Variants in ZNF704 observed in about 807,000 individuals in gnomAD.
ZNF704 encodes glucocorticoid induced gene 1.
In ZNF704, 10 loss-of-function variants were observed where a neutral mutation model predicts 44.7. The ratio of observed to expected loss-of-function variants is 0.22; its 90% CI spans 0.14 to 0.38. The LOEUF (loss-of-function observed/expected upper bound fraction) is 0.38. Ranked by LOEUF, ZNF704 falls within the 10% of genes least tolerant of loss-of-function variation. The pLI, the probability that ZNF704 is intolerant of heterozygous loss-of-function variation, is 1.00. For missense variants in ZNF704, 390 were observed against 545.5 expected (o/e 0.71, Z 2.84); for synonymous variants, 211 against 207.6 (o/e 1.02, Z -0.14).
Position 80,821,389 on chromosome 8 carries a change from T to C in ZNF704, c.206A>G (p.Asp69Gly). 1.2e-6 allele frequency: 2 copies of C among 1,613,590 alleles called. No individual in the cohort carries two copies. The highest frequency in any genetic ancestry group is 1.7e-6 in the Non-Finnish European group (2 of 1,179,898). Residue 69 changes from aspartate to glycine, a missense_variant, in exon 2 of 9, where the codon GAT becomes GGT. Asp to Gly is a moderately conservative substitution (Grantham distance 94, BLOSUM62 -1). This residue lies in a region of ZNF704 where 80 missense variants were observed against 83.7 expected (regional missense o/e 0.96). Coordinates refer to ENST00000327835, the MANE Select transcript of ZNF704 (RefSeq NM_001033723.3). ...GTTCCCTTACCTTGCTGGAGGAACATCAATGTTGGAGGAAACAACTTTTCT... is the reference window on the plus strand; with the variant it reads ...GTTCCCTTACCTTGCTGGAGGAACACCAATGTTGGAGGAAACAACTTTTCT... ...QKRKVVSSNIDVPPARKSSEE... is the reference protein window; with the variant it reads ...QKRKVVSSNIGVPPARKSSEE...
At chr8:80,653,685 A>T (rs951973191) in intron 7 of ZNF704, among the ~76,000 whole-genome samples, 3 of 152,200 alleles carry the variant, frequency 2.0e-5, no homozygotes, top group African/African-American at 7.2e-5. Context: ...TCAATGAAAT[A>T]AAAGAGGATA....
intron 1 of ZNF704, among the ~76,000 whole-genome samples, chr8:80,836,726 C>T (rs1375650655): frequency 6.6e-6 from 1 of 152,078 alleles, no homozygotes; most frequent in Admixed American, 6.6e-5. Context: ...GAAGTTGAGG[C>T]TGCAATGAGC....
chr8:80,774,112 G>A (rs568289293), intron 2 of ZNF704, among the ~76,000 whole-genome samples: 10 of 151,168 alleles, frequency 6.6e-5, no homozygotes, highest in African/African-American at 1.9e-4. Flanking sequence ...CTGGAGTGCC[G>A]TGGTGCAATC....
chr8:80,880,291 G>A, the ZNF704 span, among the ~76,000 whole-genome samples: 1 of 152,176 alleles, frequency 6.6e-6, no homozygotes, highest in African/African-American at 2.4e-5. Context: ...GTGGCCAAGG[G>A]TGGATGGCTG....
intron 1 of ZNF704, among the ~76,000 whole-genome samples, chr8:80,865,096 C>T (rs1276972909): frequency 6.6e-6 from 1 of 152,132 alleles, no homozygotes; most frequent in Non-Finnish European, 1.5e-5. Flanking sequence ...TCTGAAATGC[C>T]TTGGTAGCAT....
At chr8:80,679,382 A>C (rs1279466982) in intron 4 of ZNF704, among the ~76,000 whole-genome samples, 1 of 152,208 alleles carries the variant, frequency 6.6e-6, no homozygotes, top group African/African-American at 2.4e-5. Flanking sequence ...GAGGAGGAGA[A>C]CATGAAAAAA....
At position 80,636,923 on chromosome 8, in the gene ZNF704, C is replaced by G. The variant is rs970388498; in HGVS notation, c.*4443G>C. ...ATCGTTCACGGCTTGCTTTCGCCTA[C>G]GGAATTCTGCTGATAGCTAATAAAC... On this transcript the variant is annotated 3_prime_UTR_variant, in exon 9 of 9. Coordinates refer to ENST00000327835, the MANE Select transcript of ZNF704 (RefSeq NM_001033723.3). The G allele has an allele frequency of 6.6e-6, 1 of 152,198 alleles. No individual in the cohort carries two copies. The highest frequency in any genetic ancestry group is 2.4e-5 in the African/African-American group (1 of 41,446). 9.4% of individuals were successfully genotyped at this position (152,198 alleles called of 1,614,324 possible). A position where few individuals can be genotyped will look rare whatever the true frequency, so the allele number is the denominator to read the frequency against.
chr8:80,664,257 C>T (rs1818149938), intron 6 of ZNF704, among the ~76,000 whole-genome samples: 1 of 151,466 alleles, frequency 6.6e-6, no homozygotes, highest in Non-Finnish European at 1.5e-5. Context: ...CCACCATGCC[C>T]AGATAACATT....
In ZNF704 at chr8:80,826,882, T is replaced by C. The variant is rs549456855; in HGVS notation, c.-21-5267A>G. 2.6e-5 allele frequency among the ~76,000 whole-genome samples: 4 copies of C among 152,320 alleles called. No individual in the cohort carries two copies. The South Asian group carries it at 8.3e-4, about 32-fold the overall frequency. ...TTTAACAAAATTCAACAACCCTTCA[T>C]GCTAAAAACTCTCAATAAATTAGGT... On this transcript the variant is annotated intron_variant, in intron 1 of 8. Coordinates refer to ENST00000327835, the MANE Select transcript of ZNF704 (RefSeq NM_001033723.3).
At position 80,639,812 on chromosome 8, in the gene ZNF704, C is replaced by A. The variant is rs1481433453; in HGVS notation, c.*1554G>T. The A allele has an allele frequency of 6.6e-6, 1 of 152,630 alleles. No homozygotes were observed. Among genetic ancestry groups the A allele is most frequent in the Admixed American group, 6.5e-5 (1 of 15,284 alleles). The allele number at this position is 152,630 out of a possible 1,614,324, so 9.5% of individuals were successfully genotyped here. ...GACATATATTAAACTTTCCTCTGTG[C>A]AATTTCATTTAACATTCCTATGGCT... On this transcript the variant is annotated 3_prime_UTR_variant, in exon 9 of 9. Transcript: ENST00000327835.
At chr8:80,821,311 G>A (rs911282284) in intron 2 of ZNF704, 63 bp downstream of exon 2, 7 of 1,498,660 alleles carry the variant, frequency 4.7e-6, no homozygotes, top group East Asian at 4.5e-5. Flanking sequence ...CACTGGCAGA[G>A]ATTATGCATG....
At chr8:80,800,467 G>A (rs551060524) in intron 2 of ZNF704, among the ~76,000 whole-genome samples, 1 of 152,274 alleles carries the variant, frequency 6.6e-6, no homozygotes, top group African/African-American at 2.4e-5. Context: ...GGACCTCTCA[G>A]CAGAAACCGT....
At chr8:80,774,766 T>C (rs897420234) in intron 2 of ZNF704, among the ~76,000 whole-genome samples, 1 of 152,196 alleles carries the variant, frequency 6.6e-6, no homozygotes, top group African/African-American at 2.4e-5. Context: ...GGCTAGAGGA[T>C]TGTCTAAAAG....
intron 1 of ZNF704, among the ~76,000 whole-genome samples, chr8:80,824,291 A>G (rs1808333163): frequency 6.6e-6 from 1 of 152,232 alleles, no homozygotes; most frequent in Non-Finnish European, 1.5e-5. Flanking sequence ...CACAAGCTTC[A>G]GTAGCCGATT....
upstream of ZNF704, among the ~76,000 whole-genome samples, chr8:80,879,041 A>C (rs892403895): frequency 2.0e-5 from 3 of 152,232 alleles, no homozygotes; most frequent in Non-Finnish European, 4.4e-5. Context: ...GCCATGGAAC[A>C]CTAGTTAAGT....
chr8:80,703,542 A>G lies in ZNF704; in HGVS notation c.222-10435T>C, dbSNP rs1464863512. On this transcript the variant is annotated intron_variant, in intron 2 of 8. Coordinates refer to ENST00000327835, the MANE Select transcript of ZNF704 (RefSeq NM_001033723.3). ...CAGACTGGAGTGCAGTGGTGTGAAC[A>G]TGGCTCACTGTAGCTTCCACCTGCA... Among the ~76,000 whole-genome samples the G allele has an allele frequency of 2.6e-5, 4 of 152,114 alleles. No individual in the cohort carries two copies. The East Asian group carries it at 5.8e-4, about 22-fold the overall frequency.
At chr8:80,759,917 C>G (rs1195737024) in intron 2 of ZNF704, among the ~76,000 whole-genome samples, 1 of 152,102 alleles carries the variant, frequency 6.6e-6, no homozygotes, top group African/African-American at 2.4e-5. Context: ...CCACACCCAG[C>G]TAATTAAAAA....
chr8:80,722,332 A>T (rs1806385615), intron 2 of ZNF704, among the ~76,000 whole-genome samples: 1 of 152,234 alleles, frequency 6.6e-6, no homozygotes, highest in South Asian at 2.1e-4. Flanking sequence ...TCTCAGGCAG[A>T]TTACATTTTC....
intron 2 of ZNF704, among the ~76,000 whole-genome samples, chr8:80,743,221 C>A (rs2131696112): frequency 1.4e-5 from 2 of 141,470 alleles, no homozygotes; most frequent in East Asian, 2.1e-4. Flanking sequence ...AAAAAATCTC[C>A]TATTAAAATA....
Sources: gnomAD v4.1 joint callset for allele counts (sites outside exome capture counted in the v4.1 genomes callset) on GRCh38, gnomAD v4.1.1 for gene constraint, gnomAD v4.1.1 regional missense constraint, MANE v1.5 for transcripts, NCBI Gene and HGNC (gene_info 2026-07-23, HGNC 2026-07-21) for gene names.